ATXN10: variants seen among roughly 807,000 people sequenced by gnomAD.
The protein encoded by ATXN10 is ataxin 10, also known as ataxin-10.
Under a neutral mutation model 52.9 loss-of-function variants are expected in ATXN10, and 28 were observed. The observed-to-expected ratio is 0.53, with a 90% CI of 0.39 to 0.73. The LOEUF is 0.73. Ranked by LOEUF, ATXN10 falls within the 30% of genes least tolerant of loss-of-function variation. ATXN10 has a pLI of 0.00. For synonymous variants in ATXN10, 226 were observed against 221.5 expected (o/e 1.02, Z -0.18); for missense variants, 565 against 577.0 (o/e 0.98, Z 0.21).
chr22:45,725,253 C>T (rs1234083629), intron 6 of ATXN10, among the ~76,000 whole-genome samples: 4 of 152,076 alleles, frequency 2.6e-5, no homozygotes, highest in Admixed American at 2.6e-4. Flanking sequence ...GGCATATGAT[C>T]ATTTTAATAG....
At chr22:45,761,120 T>G (rs1018335068) in intron 9 of ATXN10, among the ~76,000 whole-genome samples, 2 of 152,172 alleles carry the variant, frequency 1.3e-5, no homozygotes, top group African/African-American at 2.4e-5. Flanking sequence ...CCTCAGTATT[T>G]TATTTTATTT....
chr22:45,801,465 C>A (rs958381744), intron 9 of ATXN10, among the ~76,000 whole-genome samples: 16 of 152,162 alleles, frequency 1.1e-4, no homozygotes, highest in African/African-American at 3.9e-4. Context: ...CTGAAATGCC[C>A]ACTGCTAAGT....
In ATXN10 at chr22:45,790,001, A is replaced by G. The variant is rs146503325; in HGVS notation, c.1174-16958A>G. ...CATTCATTGTAATAATAGAATGCCC[A>G]TAAGAGACACTCCATATTTGAATAT... On this transcript the variant is annotated intron_variant, in intron 9 of 11. Coordinates refer to ENST00000252934, the MANE Select transcript of ATXN10 (RefSeq NM_013236.4). The surrounding 1 kb of genome is among the most constrained non-coding windows in gnomAD (Gnocchi z 4.7). 1.6e-3 allele frequency among the ~76,000 whole-genome samples: 245 copies of G among 152,354 alleles called. 2 individuals carry two copies. The highest frequency in any genetic ancestry group is 5.7e-3 in the African/African-American group (235 of 41,586).
chr22:45,828,618 A>G lies in ATXN10; in HGVS notation c.1238-14373A>G, dbSNP rs947336048. Among the ~76,000 whole-genome samples the G allele has an allele frequency of 6.6e-6, 1 of 152,242 alleles. No homozygotes were observed. The highest frequency in any genetic ancestry group is 6.5e-5 in the Admixed American group (1 of 15,290). On this transcript the variant is annotated intron_variant, in intron 10 of 11. Transcript: ENST00000252934. This position sits in a 1 kb window ranked among gnomAD's most constrained non-coding sequence, Gnocchi z 4.5. Reference sequence around the variant, plus strand: ...GGGTTGCAAGAGAGCACTGTGAACAATTGTACACCATCAGTTTGGATAATG... The same window carrying G: ...GGGTTGCAAGAGAGCACTGTGAACAGTTGTACACCATCAGTTTGGATAATG...
rs1366533450 is a variant in ATXN10 at position 45,684,436 on chromosome 22, T to TC, written c.117-5276_117-5275insC. The stretch of plus-strand genomic sequence containing the variant: ...GGCCAGATCTGGCCTACTACCTGTT[T>TC]TTTTTATGACCCATGAGTTAAGAAT... On this transcript the variant is annotated intron_variant, in intron 1 of 11. Coordinates refer to ENST00000252934, the MANE Select transcript of ATXN10 (RefSeq NM_013236.4). This position sits in a 1 kb window ranked among gnomAD's most constrained non-coding sequence, Gnocchi z 4.1. Among the ~76,000 whole-genome samples, 1 of 152,182 alleles carries TC rather than the reference T, an allele frequency of 6.6e-6. No homozygotes were observed. The highest frequency in any genetic ancestry group is 2.4e-5 in the African/African-American group (1 of 41,456).
At chr22:45,675,035 C>G (rs1014610588) in intron 1 of ATXN10, 1 of 152,304 alleles carries the variant, frequency 6.6e-6, no homozygotes, top group East Asian at 1.9e-4. Context: ...GCCACTTTGA[C>G]AGATTATTTT....
rs1241371899 is a variant in ATXN10 at position 45,837,968 on chromosome 22, C to G, written c.1238-5023C>G. Among the ~76,000 whole-genome samples, 1 of 152,236 alleles carries G rather than the reference C, an allele frequency of 6.6e-6. No homozygotes were observed. The highest frequency in any genetic ancestry group is 1.5e-5 in the Non-Finnish European group (1 of 68,046). ...CAGAGCAGTGACCAGAACAGAGTTCCTGTCGCCCTGGAGTCTACATTTAAT... is the reference window on the plus strand; with the variant it reads ...CAGAGCAGTGACCAGAACAGAGTTCGTGTCGCCCTGGAGTCTACATTTAAT... On this transcript the variant is annotated intron_variant, in intron 10 of 11. Transcript: ENST00000252934. This position sits in a 1 kb window ranked among gnomAD's most constrained non-coding sequence, Gnocchi z 5.8.
At chr22:45,800,666 T>C (rs190144645) in intron 9 of ATXN10, among the ~76,000 whole-genome samples, 2 of 152,332 alleles carry the variant, frequency 1.3e-5, no homozygotes, top group Non-Finnish European at 2.9e-5. Context: ...CTCCATTCAT[T>C]GCGGATAAAA....
At chr22:45,832,355 G>A (rs1476345783) in intron 10 of ATXN10, among the ~76,000 whole-genome samples, 3 of 152,156 alleles carry the variant, frequency 2.0e-5, no homozygotes. Flanking sequence ...GCGCTGTGTG[G>A]CCTGCTCCCA....
intron 6 of ATXN10, among the ~76,000 whole-genome samples, chr22:45,725,401 A>ATTTTTTTTTTTTTTT (rs60263048): frequency 8.6e-6 from 1 of 116,220 alleles, no homozygotes; most frequent in Non-Finnish European, 1.9e-5. Context: ...CAGGCATTTG[A>ATTTTTTTTTTTTTTT]TTTTTTTTTT....
chr22:45,698,097 T>C (rs1471668424), intron 3 of ATXN10, among the ~76,000 whole-genome samples: 3 of 152,244 alleles, frequency 2.0e-5, no homozygotes, highest in Admixed American at 2.0e-4. Flanking sequence ...TCATGAGTCA[T>C]GCTGTTGTGA....
rs752429212 is a variant in ATXN10, at chr22:45,729,504, C to A, written c.808C>A (p.Arg270=). The change falls in exon 7 of 12, where the codon CGG becomes AGG. Residue 270 remains arginine, a synonymous_variant. Transcript: ENST00000252934. ...CAAGGATGACATCCCTGTGTTTTTG[C>A]GGCATGCTGAGTTGATTGCAAGCAC... ...LTKDDIPVFL[R]HAELIASTFV... is the part of the protein sequence containing the mutation. The A allele has an allele frequency of 1.2e-6, 2 of 1,613,962 alleles. No individual in the cohort carries two copies. The highest frequency in any genetic ancestry group is 1.7e-5 in the Admixed American group (1 of 59,996).
intron 10 of ATXN10, among the ~76,000 whole-genome samples, chr22:45,829,284 C>T (rs920919104): frequency 2.6e-5 from 4 of 152,118 alleles, no homozygotes; most frequent in Admixed American, 6.5e-5. Context: ...CATAACTCCA[C>T]GATGAAAGAC....
chr22:45,810,899 A>G (rs1231818227), intron 10 of ATXN10, among the ~76,000 whole-genome samples: 1 of 152,152 alleles, frequency 6.6e-6, no homozygotes, highest in African/African-American at 2.4e-5. Context: ...CTGTCTTATG[A>G]AATTTATTGA....
chr22:45,812,433 AAT>A (rs995991692), intron 10 of ATXN10, among the ~76,000 whole-genome samples: 11 of 152,138 alleles, frequency 7.2e-5, no homozygotes, highest in African/African-American at 2.4e-4. Context: ...AGCTTGGTGA[AAT>A]ATGTGTATGT....
intron 7 of ATXN10, among the ~76,000 whole-genome samples, chr22:45,737,967 T>G (rs1481475100): frequency 6.6e-6 from 1 of 152,180 alleles, no homozygotes; most frequent in East Asian, 1.9e-4. Flanking sequence ...CCTCCCAATG[T>G]GAAGAATGTT....
At chr22:45,817,889 G>T (rs1310329420) in intron 10 of ATXN10, among the ~76,000 whole-genome samples, 1 of 152,128 alleles carries the variant, frequency 6.6e-6, no homozygotes, top group Non-Finnish European at 1.5e-5. Context: ...AGATGCAGGA[G>T]TCACCATTCA....
At position 45,723,964 on chromosome 22, in the gene ATXN10, AAT is replaced by A. The variant is rs950925806; in HGVS notation, c.729-5459_729-5458del. Among the ~76,000 whole-genome samples the A allele has an allele frequency of 8.5e-5, 13 of 152,150 alleles. No homozygotes were observed. The South Asian group carries it at 1.7e-3, about 19-fold the overall frequency. The stretch of plus-strand genomic sequence containing the variant: ...GAGACCCTGTCTCAAAAAAAAAAAA[AAT>A]AAAAGGCTTCCAGCTCCATCCAAGT... On this transcript the variant is annotated intron_variant, in intron 6 of 11. Transcript: ENST00000252934.
At chr22:45,758,817 C>T (rs1601628327) in intron 9 of ATXN10, among the ~76,000 whole-genome samples, 1 of 152,182 alleles carries the variant, frequency 6.6e-6, no homozygotes, top group Non-Finnish European at 1.5e-5. Flanking sequence ...TTTATAACAG[C>T]CTGAGGCATC....
Sources: allele counts gnomAD v4.1 joint callset (sites outside exome capture counted in the v4.1 genomes callset), GRCh38; gene constraint gnomAD v4.1.1; non-coding constraint Gnocchi (gnomAD v3.1); transcripts MANE v1.5; gene names NCBI Gene and HGNC (gene_info 2026-07-23, HGNC 2026-07-21).